CALCOCO1: variants seen among roughly 807,000 people sequenced by gnomAD.
The protein encoded by CALCOCO1 is calcium binding and coiled-coil domain 1, also known as calcium-binding and coiled-coil domain-containing protein 1.
A neutral mutation model predicts 86.3 loss-of-function variants in CALCOCO1; 44 were observed. That is an observed-to-expected ratio of 0.51 (90% CI 0.40 to 0.66). The LOEUF (loss-of-function observed/expected upper bound fraction) is 0.66. Among genes scored for constraint, CALCOCO1 ranks in the 30% least tolerant of loss-of-function variants. The probability of loss-of-function intolerance (pLI) is 0.00; values close to 1 mark genes in which losing one functional copy is unlikely to be tolerated. For synonymous variants in CALCOCO1, 297 were observed against 327.6 expected (o/e 0.91, Z 1.01); for missense variants, 708 against 851.1 (o/e 0.83, Z 2.09).
chr12:53,720,779 G>A (rs916150549), intron 6 of CALCOCO1, among the ~76,000 whole-genome samples: 2 of 152,222 alleles, frequency 1.3e-5, no homozygotes, highest in African/African-American at 4.8e-5. Context: ...TTTGAAGGAT[G>A]GACATGGGAG....
chr12:53,719,803 G>A lies in CALCOCO1; in HGVS notation c.785C>T (p.Thr262Ile). ...DRLRDTVKALTREQEKLLGQL... is the reference protein window; with the variant it reads ...DRLRDTVKALIREQEKLLGQL... ...CCCAAGGAGCTTCTCTTGTTCCCGAGTCAGGGCCTTCACTGTGTCTCTAAG... is the reference window on the plus strand; with the variant it reads ...CCCAAGGAGCTTCTCTTGTTCCCGAATCAGGGCCTTCACTGTGTCTCTAAG... The change falls in exon 7 of 15, where the codon ACT (threonine) becomes ATT (isoleucine). Residue 262 changes from threonine (T) to isoleucine (I), a missense_variant. Physicochemically the swap from Thr to Ile is moderately conservative, Grantham distance 89. Coordinates refer to ENST00000550804, the MANE Select transcript of CALCOCO1 (RefSeq NM_020898.3). 1 of 1,613,780 alleles carries A rather than the reference G, an allele frequency of 6.2e-7. No individual in the cohort carries two copies. Among genetic ancestry groups the A allele is most frequent in the South Asian group, 1.1e-5 (1 of 91,062 alleles).
chr12:53,724,669 T>A lies in CALCOCO1; in HGVS notation c.235A>T (p.Ile79Phe). Residue 79 changes from isoleucine (I) to phenylalanine (F), a missense_variant, in exon 3 of 15, where the codon ATT becomes TTT. Coordinates refer to ENST00000550804, the MANE Select transcript of CALCOCO1 (RefSeq NM_020898.3). ...CCTTGGAACTGGACACTGGTGTGAA[T>A]GGGGGAACCATCAGTTGTACTTTCA... ...VPESTTDGSPIHTSVQFQASY... is the reference protein window; with the variant it reads ...VPESTTDGSPFHTSVQFQASY... 6.2e-7 allele frequency: 1 copy of A among 1,614,020 alleles called. No homozygotes were observed. Among genetic ancestry groups the A allele is most frequent in the Non-Finnish European group, 8.5e-7 (1 of 1,179,914 alleles).
intron 4 of CALCOCO1, among the ~76,000 whole-genome samples, chr12:53,722,532 G>T (rs1405068661): frequency 6.6e-6 from 1 of 152,194 alleles, no homozygotes; most frequent in Non-Finnish European, 1.5e-5. Context: ...GAGTTGGACA[G>T]ACTTGGGTTC....
chr12:53,712,380 C>G, intron 14 of CALCOCO1: 1 of 418,718 alleles, frequency 2.4e-6, no homozygotes, highest in Non-Finnish European at 4.3e-6. Context: ...GCTCTCCTCC[C>G]TCCATCTCCG....
chr12:53,723,093 C>T (rs926176967), intron 4 of CALCOCO1, among the ~76,000 whole-genome samples: 5 of 152,094 alleles, frequency 3.3e-5, no homozygotes, highest in African/African-American at 1.2e-4. Flanking sequence ...TCTTCAAAAT[C>T]TGGAGTATAT....
At chr12:53,724,053 CAG>C (rs1414270453) in intron 3 of CALCOCO1, 13 of 448,794 alleles carry the variant, frequency 2.9e-5, no homozygotes, top group Admixed American at 2.5e-4. Flanking sequence ...TATCTTGAGA[CAG>C]AGTCTTGCTC....
Position 53,712,095 on chromosome 12 carries a change from T to C in CALCOCO1, c.1925A>G (p.Glu642Gly), listed in dbSNP as rs757315591. The change falls in exon 15 of 15, where the codon GAA (glutamate) becomes GGA (glycine). Residue 642 changes from glutamate (E) to glycine (G), a missense_variant. By Grantham distance (98) the Glu-to-Gly change is moderately conservative (BLOSUM62 -2). Transcript: ENST00000550804. ...ASGFTVGTLS[E>G]TSTGGPATPT... is the part of the protein sequence containing the mutation. ...GGTGGCAGGGCCCCCAGTGCTGGTT[T>C]CTGACAGGGTACCCACTGTAAAGCC... is the stretch of plus-strand genomic sequence containing the variant. 29 of 1,607,630 alleles carry C rather than the reference T, an allele frequency of 1.8e-5. No individual in the cohort carries two copies. Among genetic ancestry groups the C allele is most frequent in the Non-Finnish European group, 2.4e-5 (28 of 1,176,792 alleles).
At chr12:53,725,658 TG>T (rs1410344014) in intron 1 of CALCOCO1, 1 of 154,790 alleles carries the variant, frequency 6.5e-6, no homozygotes, top group African/African-American at 2.4e-5. Context: ...AACTGAGGTG[TG>T]GGGCCCTCTC....
At chr12:53,721,359 G>C (rs1026540554) in intron 6 of CALCOCO1, 108 bp downstream of exon 6, 1 of 1,005,126 alleles carries the variant, frequency 9.9e-7, no homozygotes, top group Non-Finnish European at 1.5e-6. Context: ...GAGAGGGAAA[G>C]AGAAAGCGTG....
rs1945818170 is a variant in CALCOCO1, at chr12:53,719,727, T to C, written c.849+12A>G. On this transcript the variant is annotated intron_variant, in intron 7 of 14. Transcript: ENST00000550804. ...GACAATGGAGAAAGCAAATCAACTC[T>C]GAGCCCCTTACCTCACTTTGCTCCT... 9 of 1,598,638 alleles carry C rather than the reference T, an allele frequency of 5.6e-6. No individual in the cohort carries two copies. Among genetic ancestry groups the C allele is most frequent in the Non-Finnish European group, 7.7e-6 (9 of 1,166,812 alleles).
Position 53,713,720 on chromosome 12 carries a change from T to C in CALCOCO1, c.1772A>G (p.Glu591Gly). The change falls in exon 13 of 15, where the codon GAG becomes GGG. Residue 591 changes from glutamate to glycine, a missense_variant. Coordinates refer to ENST00000550804, the MANE Select transcript of CALCOCO1 (RefSeq NM_020898.3). Reference protein sequence around the residue: ...PISPHLSGPAEDSSSDSEAED... With the variant: ...PISPHLSGPAGDSSSDSEAED... ...GCTCACCGAGTCAGAGCTACTGTCC[T>C]CAGCTGGCCCAGAGAGGTGAGGAGA... is the stretch of plus-strand genomic sequence containing the variant. The C allele has an allele frequency of 6.3e-7, 1 of 1,577,416 alleles. No homozygotes were observed. The highest frequency in any genetic ancestry group is 8.6e-7 in the Non-Finnish European group (1 of 1,163,706).
At chr12:53,715,436 T>C in intron 9 of CALCOCO1, 111 bp from the exon 10 acceptor site, 2 of 1,406,614 alleles carry the variant, frequency 1.4e-6, no homozygotes, top group Admixed American at 2.0e-5. Context: ...AAAGCATCAT[T>C]TTTAGAGCAC....
intron 4 of CALCOCO1, 74 bp downstream of exon 4, chr12:53,723,519 A>G: frequency 6.7e-7 from 1 of 1,494,236 alleles, no homozygotes; most frequent in Non-Finnish European, 9.3e-7. Context: ...GGGGAGGGTA[A>G]GGTGGGAAGG....
At chr12:53,725,490 C>T (rs929885059) in intron 1 of CALCOCO1, among the ~76,000 whole-genome samples, 2 of 152,326 alleles carry the variant, frequency 1.3e-5, no homozygotes, top group African/African-American at 4.8e-5. Context: ...ACACTGTACC[C>T]GCTCTGGCTC....
At chr12:53,721,381 G>C in intron 6 of CALCOCO1, 86 bp downstream of exon 6, 1 of 1,215,390 alleles carries the variant, frequency 8.2e-7, no homozygotes, top group South Asian at 1.6e-5. Context: ...GAGGCAGACA[G>C]CAGGTCTGCT....
In CALCOCO1 at chr12:53,714,643, C is replaced by T; in HGVS notation, c.1437G>A (p.Leu479=). ...KRELTELRSA[L]RVLQKEKEQL... is the part of the protein sequence containing the mutation. Reference sequence around the variant, plus strand: ...GCTCCTTTTCCTTCTGGAGCACACGCAGGGCTGACCGCAGCTCTGTCAGCT... The same window carrying T: ...GCTCCTTTTCCTTCTGGAGCACACGTAGGGCTGACCGCAGCTCTGTCAGCT... The change falls in exon 11 of 15, where the codon CTG becomes CTA. Residue 479 remains leucine, a synonymous_variant. Transcript: ENST00000550804. 1 of 1,614,166 alleles carries T rather than the reference C, an allele frequency of 6.2e-7. No homozygotes were observed. Among genetic ancestry groups the T allele is most frequent in the Non-Finnish European group, 8.5e-7 (1 of 1,180,024 alleles).
rs1386856353 is a variant in CALCOCO1 at position 53,722,084 on chromosome 12, G to A, written c.550C>T (p.Leu184Phe). ...VTELRSRVQE[L>F]ERALATARQE... ...CTGGCAGTTGCCAGAGCCCTCTCGAGCTCCTGCACTCGGCTCCTCAGCTCT... is the reference window on the plus strand; with the variant it reads ...CTGGCAGTTGCCAGAGCCCTCTCGAACTCCTGCACTCGGCTCCTCAGCTCT... The change falls in exon 5 of 15, where the codon CTC becomes TTC. Residue 184 changes from leucine (L) to phenylalanine (F), a missense_variant. Transcript: ENST00000550804. The A allele has an allele frequency of 3.1e-6, 5 of 1,613,814 alleles. No individual in the cohort carries two copies. The highest frequency in any genetic ancestry group is 3.4e-6 in the Non-Finnish European group (4 of 1,180,058).
chr12:53,708,533 A>ATATT lies in CALCOCO1; in HGVS notation c.*3407_*3410dup, dbSNP rs1440244154. 6.6e-6 allele frequency: 1 copy of ATATT among 152,090 alleles called. No individual in the cohort carries two copies. Among genetic ancestry groups the ATATT allele is most frequent in the Non-Finnish European group, 1.5e-5 (1 of 68,026 alleles). 9.4% of individuals were successfully genotyped at this position (152,090 alleles called of 1,614,324 possible). A position where few individuals can be genotyped will look rare whatever the true frequency, so the allele number is the denominator to read the frequency against. On this transcript the variant is annotated 3_prime_UTR_variant, in exon 15 of 15. Coordinates refer to ENST00000550804, the MANE Select transcript of CALCOCO1 (RefSeq NM_020898.3). Reference sequence around the variant, plus strand: ...GGCACTTCATTTAATGGTATTGGTAATATTTATTTGAAGCTAGTTGGTGAG... The same window carrying ATATT: ...GGCACTTCATTTAATGGTATTGGTAATATTTATTTATTTGAAGCTAGTTGGTGAG...
At chr12:53,712,345 T>TG in intron 14 of CALCOCO1, 1 of 495,764 alleles carries the variant, frequency 2.0e-6, no homozygotes, top group Non-Finnish European at 3.6e-6. Context: ...GTCTCTGCAG[T>TG]GCAGAGCCCA....
Sources: gnomAD v4.1 joint callset for allele counts (sites outside exome capture counted in the v4.1 genomes callset) on GRCh38, gnomAD v4.1.1 for gene constraint, MANE v1.5 for transcripts, NCBI Gene and HGNC (gene_info 2026-07-23, HGNC 2026-07-21) for gene names.